Variants in DEPDC5 observed in about 807,000 individuals in gnomAD.
DEPDC5 encodes DEP domain containing 5, GATOR1 subcomplex subunit, also known as GATOR1 complex protein DEPDC5.
In DEPDC5, 73 loss-of-function variants were observed where a neutral mutation model predicts 217.3. The observed-to-expected ratio is 0.34, with a 90% CI of 0.28 to 0.41. The LOEUF (loss-of-function observed/expected upper bound fraction) is 0.41. Ranked by LOEUF, DEPDC5 falls within the 10% of genes least tolerant of loss-of-function variation. The pLI, the probability that DEPDC5 is intolerant of heterozygous loss-of-function variation, is 1.00. For synonymous variants in DEPDC5, 733 were observed against 756.7 expected, an observed-to-expected ratio of 0.97 and a Z score of 0.51; for missense variants, 1,675 against 2,070.1, an observed-to-expected ratio of 0.81 and a Z score of 3.70.
rs2149024532 is a variant in DEPDC5, at chr22:31,845,159, A to G, written c.2943A>G (p.Gln981=). ...DRPRADEDEW[Q]LLDGFVRFVE... ...CCCGTGCAGACGAGGACGAGTGGCAACTCCTGGATGGTTTTGTCCGCTTTG... is the reference window on the plus strand; with the variant it reads ...CCCGTGCAGACGAGGACGAGTGGCAGCTCCTGGATGGTTTTGTCCGCTTTG... The change falls in exon 30 of 43, where the codon CAA becomes CAG. Residue 981 remains glutamine (Q), a synonymous_variant. Transcript: ENST00000651528. 1.2e-6 allele frequency: 2 copies of G among 1,613,880 alleles called. No individual in the cohort carries two copies. The highest frequency in any genetic ancestry group is 1.1e-5 in the South Asian group (1 of 91,060).
At chr22:31,782,935 C>G (rs2084601094) in intron 8 of DEPDC5, among the ~76,000 whole-genome samples, 1 of 152,152 alleles carries the variant, frequency 6.6e-6, no homozygotes, top group African/African-American at 2.4e-5. Flanking sequence ...TTTAGAAGTC[C>G]CAAGTCATGG....
intron 21 of DEPDC5, chr22:31,817,372 A>G: frequency 2.8e-6 from 1 of 354,992 alleles, no homozygotes; most frequent in Non-Finnish European, 5.5e-6. Context: ...AGCCTCCCAA[A>G]GTGCTGGGAT....
At chr22:31,783,425 A>T (rs1295787543) in intron 8 of DEPDC5, among the ~76,000 whole-genome samples, 1 of 152,090 alleles carries the variant, frequency 6.6e-6, no homozygotes, top group Non-Finnish European at 1.5e-5. Context: ...CCACCTCCGG[A>T]CACGGTGTGA....
In DEPDC5 at chr22:31,783,998, T is replaced by A. The variant is rs773199371; in HGVS notation, c.562+13T>A. The A allele has an allele frequency of 6.2e-7, 1 of 1,608,128 alleles. No individual in the cohort carries two copies. ...TTTGATATTTATGGTACTGTGTCTA[T>A]GTGCTGATTGTAACTGCTAAGGGGA... On this transcript the variant is annotated intron_variant, in intron 9 of 42. Coordinates refer to ENST00000651528, the MANE Select transcript of DEPDC5 (RefSeq NM_001242896.3).
rs2149448490 is a variant in DEPDC5, at chr22:31,906,189, T to C, written c.4520-16T>C. 6.2e-7 allele frequency: 1 copy of C among 1,613,020 alleles called. No homozygotes were observed. On this transcript the variant is annotated splice_polypyrimidine_tract_variant and intron_variant, in intron 42 of 42. Transcript: ENST00000651528. This position sits in a 1 kb window ranked among gnomAD's most constrained non-coding sequence, Gnocchi z 5.1. Reference sequence around the variant, plus strand: ...CTCCTGGTGGCTGCCACACAGGCGCTCCCCTTTCTCTTCAGGAACAGTGTT... The same window carrying C: ...CTCCTGGTGGCTGCCACACAGGCGCCCCCCTTTCTCTTCAGGAACAGTGTT...
intron 41 of DEPDC5, among the ~76,000 whole-genome samples, chr22:31,903,002 C>T (rs1285915312): frequency 1.3e-5 from 2 of 151,938 alleles, no homozygotes; most frequent in Non-Finnish European, 2.9e-5. Flanking sequence ...CAGTCCAGAT[C>T]CTGGTCTATC....
chr22:31,817,670 G>A (rs1455129279), intron 21 of DEPDC5, among the ~76,000 whole-genome samples: 1 of 151,004 alleles, frequency 6.6e-6, no homozygotes, highest in African/African-American at 2.4e-5. Context: ...TAAAGTTTTT[G>A]TAGGGACGGT....
Position 31,797,722 on chromosome 22 carries a change from A to T in DEPDC5, c.871+19A>T. 1.3e-6 allele frequency: 2 copies of T among 1,589,394 alleles called. No homozygotes were observed. Among genetic ancestry groups the T allele is most frequent in the Non-Finnish European group, 1.7e-6 (2 of 1,157,482 alleles). On this transcript the variant is annotated intron_variant, in intron 13 of 42. Coordinates refer to ENST00000651528, the MANE Select transcript of DEPDC5 (RefSeq NM_001242896.3). Reference sequence around the variant, plus strand: ...CAGGCAGGTACTGCATTCATGTAATAGATGGTGCGGCGGGGAAAGGAAGTG... The same window carrying T: ...CAGGCAGGTACTGCATTCATGTAATTGATGGTGCGGCGGGGAAAGGAAGTG...
chr22:31,866,890 G>A (rs1602557525), intron 33 of DEPDC5, among the ~76,000 whole-genome samples: 1 of 152,196 alleles, frequency 6.6e-6, no homozygotes, highest in Non-Finnish European at 1.5e-5. Context: ...AACATCACTG[G>A]CGACGATAAT....
chr22:31,781,216 C>CAAAAAAAAAA (rs1243159443), intron 8 of DEPDC5, among the ~76,000 whole-genome samples: 10 of 97,938 alleles, frequency 1.0e-4, no homozygotes, highest in Admixed American at 2.1e-4. Context: ...AACTCGGTCT[C>CAAAAAAAAAA]AAAAACAAAC....
At chr22:31,822,447 G>A (rs961613010) in intron 23 of DEPDC5, among the ~76,000 whole-genome samples, 2 of 152,168 alleles carry the variant, frequency 1.3e-5, no homozygotes, top group Admixed American at 6.5e-5. Context: ...GACAGGGCGG[G>A]TGGTCTAGCT....
Position 31,906,076 on chromosome 22 carries a change from T to C in DEPDC5, c.4519+10T>C. The C allele has an allele frequency of 6.2e-7, 1 of 1,614,140 alleles. No individual in the cohort carries two copies. On this transcript the variant is annotated intron_variant, in intron 42 of 42. Coordinates refer to ENST00000651528, the MANE Select transcript of DEPDC5 (RefSeq NM_001242896.3). The surrounding 1 kb of genome is among the most constrained non-coding windows in gnomAD (Gnocchi z 5.1). ...TATATCCACGTTACAGGTGAGGAGC[T>C]ACGGGCAGAGTTGGGCAGGTGGGTC...
At chr22:31,767,144 GT>G (rs11367950) in intron 6 of DEPDC5, among the ~76,000 whole-genome samples, 46,005 of 145,520 alleles carry the variant, frequency 0.32, 7,890 homozygotes, top group African/African-American at 0.49. Flanking sequence ...TGTATTCATT[GT>G]TTTTTTTTTT....
chr22:31,826,390 G>A (rs994194767), intron 24 of DEPDC5: 2 of 369,728 alleles, frequency 5.4e-6, no homozygotes, highest in African/African-American at 4.3e-5. Context: ...ACAAATAGGA[G>A]CTGTTGTTGT....
chr22:31,864,526 T>TATA (rs1335760559), intron 33 of DEPDC5, among the ~76,000 whole-genome samples: 1,808 of 117,600 alleles, frequency 0.015, 33 homozygotes, highest in African/African-American at 0.017. Flanking sequence ...ATATATATAT[T>TATA]TATATATTTA....
At chr22:31,851,911 C>A (rs1158468747) in intron 31 of DEPDC5, among the ~76,000 whole-genome samples, 1 of 152,150 alleles carries the variant, frequency 6.6e-6, no homozygotes, top group Non-Finnish European at 1.5e-5. Context: ...CTATTACAGG[C>A]CAGGCGTGGT....
At chr22:31,863,802 A>C (rs1214091062) in intron 33 of DEPDC5, among the ~76,000 whole-genome samples, 1 of 152,060 alleles carries the variant, frequency 6.6e-6, no homozygotes, top group Non-Finnish European at 1.5e-5. Flanking sequence ...GTGCGCCTGT[A>C]GTCCCAGTTA....
intron 40 of DEPDC5, among the ~76,000 whole-genome samples, chr22:31,898,726 A>AT (rs1373209525): frequency 5.9e-5 from 9 of 152,070 alleles, no homozygotes; most frequent in African/African-American, 2.2e-4. Flanking sequence ...CCATCCGTGT[A>AT]TTTTTTGTTT....
At chr22:31,900,507 G>A (rs1443845799) in intron 40 of DEPDC5, among the ~76,000 whole-genome samples, 2 of 151,324 alleles carry the variant, frequency 1.3e-5, no homozygotes, top group Admixed American at 1.3e-4. Flanking sequence ...GGGAGGCCGA[G>A]GCAGGCAGAT....
Sources: gnomAD v4.1 joint callset for allele counts (sites outside exome capture counted in the v4.1 genomes callset) on GRCh38, gnomAD v4.1.1 for gene constraint, Gnocchi (gnomAD v3.1) non-coding constraint, MANE v1.5 for transcripts, NCBI Gene and HGNC (gene_info 2026-07-23, HGNC 2026-07-21) for gene names.